Variants in CCDC77 observed in about 807,000 individuals in gnomAD.
CCDC77 encodes the protein coiled-coil domain containing 77.
A neutral mutation model predicts 66.8 loss-of-function variants in CCDC77; 56 were observed. The observed-to-expected ratio is 0.84, with a 90% CI of 0.68 to 1.05. The LOEUF (loss-of-function observed/expected upper bound fraction) is 1.05. Among genes scored for constraint, CCDC77 ranks in the 50% least tolerant of loss-of-function variants. The pLI, the probability that CCDC77 is intolerant of heterozygous loss-of-function variation, is 0.00. For missense variants in CCDC77, 570 were observed against 576.8 expected, an observed-to-expected ratio of 0.99 and a Z score of 0.12; for synonymous variants, 196 against 195.2, an observed-to-expected ratio of 1.00 and a Z score of -0.03.
chr12:428,697 T>G, intron 5 of CCDC77, 72 bp from the exon 6 acceptor site: 2 of 948,506 alleles, frequency 2.1e-6, no homozygotes, highest in Non-Finnish European at 3.2e-6. Context: ...AGAAGGGAGA[T>G]CCTTTAAACA....
At chr12:389,571 C>CGAGGCGGGGCGGGGCGGGGCGAGGCGG in intron 1 of CCDC77, 1 of 223,110 alleles carries the variant, frequency 4.5e-6, no homozygotes, top group Non-Finnish European at 9.2e-6. Context: ...GGGCGAGGCG[C>CGAGGCGGGGCGGGGCGGGGCGAGGCGG]AACGAGGCGG....
At chr12:417,455 C>CGAAA (rs1253908961) in intron 4 of CCDC77, among the ~76,000 whole-genome samples, 4 of 152,186 alleles carry the variant, frequency 2.6e-5, no homozygotes, top group African/African-American at 9.7e-5. Context: ...CACGCTTTCC[C>CGAAA]CCACACCATT....
intron 1 of CCDC77, among the ~76,000 whole-genome samples, chr12:393,537 C>CT (rs34776919): frequency 4.6e-4 from 67 of 144,248 alleles, no homozygotes; most frequent in African/African-American, 1.1e-3. Context: ...CAATCTTGTC[C>CT]TTTTTTTTTT....
intron 1 of CCDC77, among the ~76,000 whole-genome samples, chr12:393,030 A>AC (rs1944779149): frequency 1.3e-5 from 2 of 148,418 alleles, no homozygotes; most frequent in African/African-American, 5.0e-5. Context: ...CCAACCCGTT[A>AC]CAATATGTTC....
intron 1 of CCDC77, among the ~76,000 whole-genome samples, chr12:391,683 C>A (rs770557844): frequency 2.6e-5 from 4 of 152,150 alleles, no homozygotes; most frequent in Admixed American, 1.3e-4. Flanking sequence ...TTGATTGGTC[C>A]TATTTATTTC....
intron 7 of CCDC77, among the ~76,000 whole-genome samples, chr12:431,409 G>T (rs1379275783): frequency 6.6e-6 from 1 of 151,960 alleles, no homozygotes; most frequent in Non-Finnish European, 1.5e-5. Flanking sequence ...ATTTTACTTT[G>T]TGTAGGAAGG....
At chr12:409,550 C>T in intron 3 of CCDC77, 129 bp downstream of exon 3, 1 of 841,654 alleles carries the variant, frequency 1.2e-6, no homozygotes, top group South Asian at 1.6e-5. Flanking sequence ...CAGAGTTTCA[C>T]TCTGTGCCCA....
chr12:409,030 C>T (rs1397460939), intron 2 of CCDC77, among the ~76,000 whole-genome samples: 1 of 151,792 alleles, frequency 6.6e-6, no homozygotes, highest in Non-Finnish European at 1.5e-5. Context: ...ATGGTGAAAC[C>T]CTGTCTCTAC....
intron 9 of CCDC77, chr12:436,640 T>C: frequency 3.0e-6 from 1 of 335,206 alleles, no homozygotes; most frequent in Non-Finnish European, 4.3e-6. Context: ...TTTCAATGGG[T>C]TTTGTTTTTA....
chr12:400,026 T>C (rs1310345937), upstream of CCDC77, among the ~76,000 whole-genome samples: 1 of 152,270 alleles, frequency 6.6e-6, no homozygotes, highest in Non-Finnish European at 1.5e-5. Flanking sequence ...TCAATTACCT[T>C]AGTTAGCTCT....
At chr12:420,163 A>G (rs71215717) in intron 5 of CCDC77, among the ~76,000 whole-genome samples, 186 of 3,596 alleles carry the variant, frequency 0.052, 1 homozygote, top group Admixed American at 0.053. Flanking sequence ...ATTACAGTGC[A>G]CTTCTGTGTG....
At position 411,751 on chromosome 12, in the gene CCDC77, A is replaced by G; in HGVS notation, c.43A>G (p.Thr15Ala). The change falls in exon 4 of 13, where the codon ACA becomes GCA. Residue 15 changes from threonine to alanine, a missense_variant. Physicochemically the swap from Thr to Ala is moderately conservative, Grantham distance 58. Transcript: ENST00000239830. ...PTHTPVCRKR[T>A]VVSKRGVAVS... ...ATCATTTCTAATTTCACGTAGGCGA[A>G]CAGTTGTCTCCAAACGTGGTGTTGC... The G allele has an allele frequency of 6.2e-7, 1 of 1,612,440 alleles. No homozygotes were observed.
exon 1 of CCDC77, chr12:389,418 G>A (rs1217843721): frequency 2.0e-6 from 1 of 503,896 alleles, no homozygotes. Flanking sequence ...CGGCAGCACA[G>A]TGTGGCTGTT....
intron 5 of CCDC77, among the ~76,000 whole-genome samples, chr12:422,518 A>C (rs1242267116): frequency 6.6e-6 from 1 of 152,250 alleles, no homozygotes; most frequent in East Asian, 1.9e-4. Context: ...CGTAAGTGGA[A>C]TCATACAGTA....
chr12:437,879 TAAAC>T (rs1027342654), intron 9 of CCDC77, among the ~76,000 whole-genome samples: 5 of 140,366 alleles, frequency 3.6e-5, no homozygotes, highest in East Asian at 2.1e-4. Flanking sequence ...CTTTTTAAAA[TAAAC>T]AAAGGATAAG....
chr12:391,400 A>G (rs2137516077), intron 1 of CCDC77, among the ~76,000 whole-genome samples: 1 of 152,260 alleles, frequency 6.6e-6, no homozygotes, highest in South Asian at 2.1e-4. Context: ...AGTTGTAGTA[A>G]GCCGAGATCG....
At chr12:429,978 GTTTA>G (rs1163506383) in intron 6 of CCDC77, among the ~76,000 whole-genome samples, 1 of 150,776 alleles carries the variant, frequency 6.6e-6, no homozygotes. Context: ...CTGCAATTTT[GTTTA>G]TTTATTTATA....
chr12:409,339 G>A lies in CCDC77; in HGVS notation c.-16-29G>A, dbSNP rs775095121. On this transcript the variant is annotated intron_variant, in intron 2 of 12. Transcript: ENST00000239830. ...GTTTTTATTTTTCTATTCGTGGCCC[G>A]TAATTATGAATTTTTGTGTATTTGA... 35 of 1,560,278 alleles carry A rather than the reference G, an allele frequency of 2.2e-5. No individual in the cohort carries two copies. The Middle Eastern group carries it at 5.0e-4, about 22-fold the overall frequency.
At chr12:403,853 C>T (rs992423695) in intron 1 of CCDC77, among the ~76,000 whole-genome samples, 1 of 152,202 alleles carries the variant, frequency 6.6e-6, no homozygotes, top group Non-Finnish European at 1.5e-5. Context: ...TGCAGTGGCA[C>T]GATCACTGCT....
Sources: allele counts gnomAD v4.1 joint callset (sites outside exome capture counted in the v4.1 genomes callset), GRCh38; gene constraint gnomAD v4.1.1; transcripts MANE v1.5; gene names NCBI Gene and HGNC (gene_info 2026-07-23, HGNC 2026-07-21).